SLC30A9: variants seen among roughly 807,000 people sequenced by gnomAD.
The protein encoded by SLC30A9 is solute carrier family 30 member 9.
SLC30A9 carries 58 observed loss-of-function variants against 87.5 expected under a neutral mutation model. That is an observed-to-expected ratio of 0.66 (90% CI 0.54 to 0.82). SLC30A9 has a LOEUF of 0.82. SLC30A9 is among the 40% of genes least tolerant of loss of function. The probability of loss-of-function intolerance (pLI) is 0.00; values close to 1 mark genes in which losing one functional copy is unlikely to be tolerated. For missense variants in SLC30A9, 557 were observed against 679.1 expected (o/e 0.82, Z 2.00); for synonymous variants, 234 against 233.0 (o/e 1.00, Z -0.04).
intron 9 of SLC30A9, among the ~76,000 whole-genome samples, chr4:42,059,333 A>G (rs893051695): frequency 6.6e-6 from 1 of 152,206 alleles, no homozygotes; most frequent in Non-Finnish European, 1.5e-5. Context: ...CTAGATTCAC[A>G]TCAAATTAGG....
At chr4:42,026,555 C>G (rs935259415) in intron 6 of SLC30A9, among the ~76,000 whole-genome samples, 1 of 152,140 alleles carries the variant, frequency 6.6e-6, no homozygotes, top group Non-Finnish European at 1.5e-5. Context: ...TGCTGCTATT[C>G]CCTTTCTGGT....
chr4:42,023,609 C>T (rs1192000055), intron 6 of SLC30A9, among the ~76,000 whole-genome samples: 3 of 152,114 alleles, frequency 2.0e-5, no homozygotes, highest in Non-Finnish European at 4.4e-5. Context: ...AGAGAAGCTA[C>T]AGTTTATCAT....
chr4:42,048,504 A>T (rs1717259409), intron 8 of SLC30A9, among the ~76,000 whole-genome samples: 1 of 112,948 alleles, frequency 8.9e-6, no homozygotes, highest in Non-Finnish European at 2.1e-5. Flanking sequence ...CTTGTAATAT[A>T]ACATGGTAAC....
chr4:42,011,099 G>A (rs1398949567), intron 2 of SLC30A9, among the ~76,000 whole-genome samples: 1 of 152,106 alleles, frequency 6.6e-6, no homozygotes, highest in East Asian at 1.9e-4. Context: ...TTTTCATGCT[G>A]CTATGAGGAA....
intron 2 of SLC30A9, among the ~76,000 whole-genome samples, chr4:42,017,844 G>A (rs752324490): frequency 6.6e-6 from 1 of 152,082 alleles, no homozygotes; most frequent in Non-Finnish European, 1.5e-5. Context: ...TTCTAAAAGG[G>A]TTTGAGATTT....
At chr4:42,036,207 C>T (rs1315702221) in intron 7 of SLC30A9, among the ~76,000 whole-genome samples, 1 of 152,176 alleles carries the variant, frequency 6.6e-6, no homozygotes, top group Non-Finnish European at 1.5e-5. Flanking sequence ...CTTTACTCTT[C>T]AGCTGTTGAC....
chr4:42,035,578 A>G (rs1033954869), intron 7 of SLC30A9, among the ~76,000 whole-genome samples: 3 of 151,226 alleles, frequency 2.0e-5, no homozygotes, highest in African/African-American at 7.3e-5. Context: ...GCTCACTGCA[A>G]TCTCCGCCTC....
At chr4:41,997,481 T>C (rs1269068524) in intron 1 of SLC30A9, among the ~76,000 whole-genome samples, 1 of 152,066 alleles carries the variant, frequency 6.6e-6, no homozygotes, top group Non-Finnish European at 1.5e-5. Flanking sequence ...ACAGGGAAAG[T>C]ATAAGGTATA....
intron 15 of SLC30A9, among the ~76,000 whole-genome samples, chr4:42,075,030 TATATATATATATATATATATATATATATA>T (rs1718466115): frequency 4.4e-4 from 2 of 4,580 alleles, no homozygotes; most frequent in Non-Finnish European, 9.2e-4. Flanking sequence ...AATATATATA[TATATATATATATATATATATATATATATA>T]TTTTTTTTTT....
chr4:42,075,055 ATATATTTTTTTTTTTTTT>A (rs1169640899), intron 15 of SLC30A9, among the ~76,000 whole-genome samples: 6 of 21,702 alleles, frequency 2.8e-4, no homozygotes, highest in African/African-American at 1.1e-3. Flanking sequence ...ATATATATAT[ATATATTTTTTTTTTTTTT>A]TTTTTTTTTT....
chr4:42,035,930 TAA>T (rs1716659959), intron 7 of SLC30A9, among the ~76,000 whole-genome samples: 1 of 152,230 alleles, frequency 6.6e-6, no homozygotes, highest in African/African-American at 2.4e-5. Context: ...TACACACTCT[TAA>T]TTTTCTTTAG....
At chr4:41,991,263 G>A (rs1368907854) in intron 1 of SLC30A9, among the ~76,000 whole-genome samples, 1 of 152,256 alleles carries the variant, frequency 6.6e-6, no homozygotes, top group Non-Finnish European at 1.5e-5. Flanking sequence ...TTTGGAAGAA[G>A]TACGAAAGTA....
At chr4:42,055,947 C>G (rs1412122957) in intron 9 of SLC30A9, among the ~76,000 whole-genome samples, 1 of 152,076 alleles carries the variant, frequency 6.6e-6, no homozygotes, top group Non-Finnish European at 1.5e-5. Flanking sequence ...AACAAATGCT[C>G]TGTAGGTTAT....
At chr4:42,075,046 TATATATATATA>T (rs1718476920) in intron 15 of SLC30A9, among the ~76,000 whole-genome samples, 2 of 16,882 alleles carry the variant, frequency 1.2e-4, no homozygotes, top group East Asian at 1.4e-3. Flanking sequence ...TATATATATA[TATATATATATA>T]TATTTTTTTT....
chr4:42,039,974 C>T (rs998206976), intron 8 of SLC30A9, among the ~76,000 whole-genome samples: 5 of 152,034 alleles, frequency 3.3e-5, no homozygotes, highest in African/African-American at 1.2e-4. Flanking sequence ...ATTGGAGGGA[C>T]ACTAAACTAG....
chr4:42,029,272 A>G, intron 6 of SLC30A9: 1 of 475,562 alleles, frequency 2.1e-6, no homozygotes, highest in South Asian at 1.7e-5. Flanking sequence ...CTCAGAGAAG[A>G]AGGAGTTTTT....
chr4:42,016,635 A>G (rs1282564848), intron 2 of SLC30A9, among the ~76,000 whole-genome samples: 1 of 152,122 alleles, frequency 6.6e-6, no homozygotes, highest in African/African-American at 2.4e-5. Flanking sequence ...GTTCTTGGAG[A>G]TAATTATAGC....
At chr4:42,018,028 T>A in intron 2 of SLC30A9, 83 bp from the exon 3 acceptor site, 1 of 739,384 alleles carries the variant, frequency 1.4e-6, no homozygotes, top group South Asian at 1.6e-5. Context: ...TGCATTGCTA[T>A]ATTACATTGG....
At position 42,035,262 on chromosome 4, in the gene SLC30A9, G is replaced by T; in HGVS notation, c.611-13G>T. ...AATATCTATGACCTAAATTTATTTT[G>T]TTATTCTTACAGGGCTATTTAGAAA... On this transcript the variant is annotated splice_polypyrimidine_tract_variant and intron_variant, in intron 6 of 17. Transcript: ENST00000264451. The T allele has an allele frequency of 1.9e-6, 3 of 1,589,222 alleles. No individual in the cohort carries two copies. Among genetic ancestry groups the T allele is most frequent in the Non-Finnish European group, 2.6e-6 (3 of 1,161,292 alleles).
Sources: allele counts gnomAD v4.1 joint callset (sites outside exome capture counted in the v4.1 genomes callset), GRCh38; gene constraint gnomAD v4.1.1; transcripts MANE v1.5; gene names NCBI Gene and HGNC (gene_info 2026-07-23, HGNC 2026-07-21).